Variants in HMCN1 observed in about 807,000 individuals in gnomAD.
HMCN1 encodes hemicentin-1.
In HMCN1, 321 loss-of-function variants were observed where a neutral mutation model predicts 625.9. The observed-to-expected ratio is 0.51, with a 90% CI of 0.47 to 0.56. HMCN1 has a LOEUF of 0.56. Among genes scored for constraint, HMCN1 ranks in the 20% least tolerant of loss-of-function variants. HMCN1 has a pLI of 0.00. For synonymous variants in HMCN1, 2,425 were observed against 2,417.6 expected, an observed-to-expected ratio of 1.00 and a Z score of -0.09; for missense variants, 6,588 against 6,887.3, an observed-to-expected ratio of 0.96 and a Z score of 1.54.
intron 105 of HMCN1, among the ~76,000 whole-genome samples, chr1:186,183,021 A>G (rs1653035510): frequency 2.0e-5 from 3 of 152,214 alleles, no homozygotes; most frequent in Non-Finnish European, 4.4e-5. Context: ...TACTTATATT[A>G]AGGAGAAATA....
chr1:186,040,506 C>T (rs564394304), intron 39 of HMCN1, among the ~76,000 whole-genome samples: 1 of 152,160 alleles, frequency 6.6e-6, no homozygotes, highest in Non-Finnish European at 1.5e-5. Flanking sequence ...TCTTGCAAAT[C>T]TAATGCTTTC....
intron 8 of HMCN1, among the ~76,000 whole-genome samples, chr1:185,924,262 G>A (rs1477069471): frequency 1.8e-5 from 2 of 108,842 alleles, no homozygotes; most frequent in Admixed American, 1.5e-4. Context: ...ACGGAGTCTC[G>A]CTCTGTTGCC....
chr1:186,115,049 G>A, intron 74 of HMCN1, 103 bp downstream of exon 74: 1 of 1,531,034 alleles, frequency 6.5e-7, no homozygotes. Context: ...GGCTAGTTAA[G>A]CAATTTACAT....
At position 186,039,020 on chromosome 1, in the gene HMCN1, A is replaced by G. The variant is rs779001149; in HGVS notation, c.6028+15A>G. Reference sequence around the variant, plus strand: ...GCAAGTTCATGGTTAGTGCCACTTCACCTAGATTCATTCTGGGGTAAAGAA... The same window carrying G: ...GCAAGTTCATGGTTAGTGCCACTTCGCCTAGATTCATTCTGGGGTAAAGAA... On this transcript the variant is annotated intron_variant, in intron 38 of 106. Transcript: ENST00000271588. 1.3e-5 allele frequency: 21 copies of G among 1,563,130 alleles called. No individual in the cohort carries two copies. Among genetic ancestry groups the G allele is most frequent in the Non-Finnish European group, 1.9e-5 (21 of 1,133,786 alleles).
chr1:186,137,430 TA>T, intron 87 of HMCN1, 67 bp from the exon 88 acceptor site: 4 of 1,538,944 alleles, frequency 2.6e-6, no homozygotes, highest in Non-Finnish European at 3.5e-6. Flanking sequence ...GTGCATATCT[TA>T]AATGAAATCT....
chr1:185,963,892 A>G lies in HMCN1; in HGVS notation c.2095A>G (p.Ile699Val), dbSNP rs777374189. 4.3e-6 allele frequency: 7 copies of G among 1,611,112 alleles called. No individual in the cohort carries two copies. The Admixed American group carries it at 5.0e-5, about 12-fold the overall frequency. The part of the protein sequence containing the change: ...TDKQNSTLRY[I>V]EAPKLMVVQS... The stretch of plus-strand genomic sequence containing the variant: ...TAAACAGAATTCTACTCTCAGATAC[A>G]TTGGCAAGTATAATCACTTTAAAAG... Residue 699 changes from isoleucine to valine, a missense_variant, in exon 13 of 107, where the codon ATT (isoleucine) becomes GTT (valine). Ile to Val is a conservative substitution (Grantham distance 29). Around this residue, in one of 3 missense-constraint regions of HMCN1, gnomAD observed 4,628 missense variants for 4,853.1 expected, o/e 0.95. Coordinates refer to ENST00000271588, the MANE Select transcript of HMCN1 (RefSeq NM_031935.3).
chr1:185,758,202 A>T (rs1190143631), intron 1 of HMCN1, among the ~76,000 whole-genome samples: 1 of 152,204 alleles, frequency 6.6e-6, no homozygotes, highest in Non-Finnish European at 1.5e-5. Context: ...TGTTTGTAAA[A>T]TGAATTCACT....
In HMCN1 at chr1:186,053,716, C is replaced by T. The variant is rs75520840; in HGVS notation, c.6701-109C>T. ...CTAGGGCAGGATTATTTTACAGTGT[C>T]ATTTGCCTTTTATATACTTGAACTG... On this transcript the variant is annotated intron_variant, in intron 43 of 106. Coordinates refer to ENST00000271588, the MANE Select transcript of HMCN1 (RefSeq NM_031935.3). 367 of 1,051,810 alleles carry T rather than the reference C, an allele frequency of 3.5e-4. No individual in the cohort carries two copies. In the African/African-American group the frequency reaches 5.1e-3, roughly 15 times the overall value. The allele number at this position is 1,051,810 out of a possible 1,614,324, so 65.2% of individuals were successfully genotyped here.
intron 11 of HMCN1, among the ~76,000 whole-genome samples, chr1:185,958,527 G>T (rs1037535217): frequency 6.6e-6 from 1 of 152,260 alleles, no homozygotes; most frequent in Admixed American, 6.5e-5. Flanking sequence ...TATTTTAAAT[G>T]CTATAACTTT....
intron 4 of HMCN1, among the ~76,000 whole-genome samples, chr1:185,890,654 G>A (rs1300316049): frequency 2.8e-5 from 3 of 108,262 alleles, no homozygotes; most frequent in Non-Finnish European, 1.7e-5. Flanking sequence ...GTTCTAGTTT[G>A]ATTGCACTGT....
chr1:186,126,625 CG>C (rs1405741691), intron 82 of HMCN1, among the ~76,000 whole-genome samples: 2 of 151,556 alleles, frequency 1.3e-5, no homozygotes, highest in African/African-American at 4.9e-5. Context: ...AGGAGCAGAC[CG>C]GGGGAAAAAC....
At chr1:185,912,762 C>T (rs879877649) in intron 6 of HMCN1, among the ~76,000 whole-genome samples, 2 of 152,106 alleles carry the variant, frequency 1.3e-5, no homozygotes, top group Non-Finnish European at 2.9e-5. Context: ...CTTTGTGGGC[C>T]TCTTCCCATT....
chr1:186,163,030 C>T (rs1315925064), intron 97 of HMCN1, among the ~76,000 whole-genome samples: 1 of 152,238 alleles, frequency 6.6e-6, no homozygotes, highest in East Asian at 1.9e-4. Context: ...CAGAGGCAGG[C>T]AGGCGTCCTT....
chr1:185,902,082 A>G (rs1665834905), intron 4 of HMCN1, among the ~76,000 whole-genome samples: 1 of 151,704 alleles, frequency 6.6e-6, no homozygotes, highest in Non-Finnish European at 1.5e-5. Context: ...ACTTTAGCTC[A>G]TAGTTTCTTC....
Position 186,070,674 on chromosome 1 carries a change from A to G in HMCN1, c.8056A>G (p.Ile2686Val). ...AGGTCTTTCCCCTAAAGAAGTGAAGATCAAAGTAAACAACACTCTGACCTT... is the reference window on the plus strand; with the variant it reads ...AGGTCTTTCCCCTAAAGAAGTGAAGGTCAAAGTAAACAACACTCTGACCTT... Reference protein sequence around the residue: ...GPGLSPKEVKIKVNNTLTLEC... With the variant: ...GPGLSPKEVKVKVNNTLTLEC... Residue 2686 changes from isoleucine (I) to valine (V), a missense_variant, in exon 52 of 107, where the codon ATC becomes GTC. Physicochemically the swap from Ile to Val is conservative, Grantham distance 29. Transcript: ENST00000271588. The G allele has an allele frequency of 6.2e-7, 1 of 1,613,300 alleles. No individual in the cohort carries two copies. Among genetic ancestry groups the G allele is most frequent in the Non-Finnish European group, 8.5e-7 (1 of 1,179,260 alleles).
intron 4 of HMCN1, among the ~76,000 whole-genome samples, chr1:185,908,499 A>G (rs1346572283): frequency 2.0e-5 from 3 of 151,922 alleles, no homozygotes; most frequent in Non-Finnish European, 4.4e-5. Context: ...AAATTATAAG[A>G]TCATCCAAGG....
chr1:185,762,724 TGTCAACAATATCCTAAA>T (rs1655593299), intron 1 of HMCN1, among the ~76,000 whole-genome samples: 1 of 152,076 alleles, frequency 6.6e-6, no homozygotes, highest in Admixed American at 6.5e-5. Flanking sequence ...ATAATAAAAG[TGTCAACAATATCCTAAA>T]GGAAAAAAAC....
At chr1:186,103,767 T>A in intron 69 of HMCN1, 99 bp downstream of exon 69, 1 of 994,080 alleles carries the variant, frequency 1.0e-6, no homozygotes, top group Non-Finnish European at 1.5e-6. Context: ...TCCTTATATA[T>A]CACAGATCTG....
intron 6 of HMCN1, among the ~76,000 whole-genome samples, chr1:185,915,705 T>A (rs1009749271): frequency 1.7e-4 from 26 of 152,188 alleles, no homozygotes; most frequent in African/African-American, 5.5e-4. Context: ...AAGGATATTT[T>A]AAAAATCATA....
Sources: gnomAD v4.1 joint callset for allele counts (sites outside exome capture counted in the v4.1 genomes callset) on GRCh38, gnomAD v4.1.1 for gene constraint, gnomAD v4.1.1 regional missense constraint, MANE v1.5 for transcripts, NCBI Gene and HGNC (gene_info 2026-07-23, HGNC 2026-07-21) for gene names.